The following HECW2 variants were observed in gnomAD, a reference collection of about 807,000 sequenced individuals.
The protein encoded by HECW2 is E3 ubiquitin-protein ligase HECW2.
A neutral mutation model predicts 175.2 loss-of-function variants in HECW2; 61 were observed. The observed-to-expected ratio is 0.35, with a 90% CI of 0.28 to 0.43. HECW2 has a LOEUF of 0.43. Among genes scored for constraint, HECW2 ranks in the 20% least tolerant of loss-of-function variants. The probability of loss-of-function intolerance (pLI) is 1.00; values close to 1 mark genes in which losing one functional copy is unlikely to be tolerated. For missense variants in HECW2, 1,524 were observed against 2,000.5 expected, an observed-to-expected ratio of 0.76 and a Z score of 4.54; for synonymous variants, 671 against 731.0, an observed-to-expected ratio of 0.92 and a Z score of 1.32.
rs1407016827 is a variant in HECW2, at chr2:196,316,091, G to A, written c.2434+1183C>T. 5 of 151,894 alleles carry A rather than the reference G, an allele frequency of 3.3e-5. No homozygotes were observed. In the South Asian group the frequency reaches 8.3e-4, roughly 25 times the overall value. The allele number at this position is 151,894 out of a possible 1,614,324, so 9.4% of individuals were successfully genotyped here. A position where few individuals can be genotyped will look rare whatever the true frequency, so the allele number is the denominator to read the frequency against. On this transcript the variant is annotated intron_variant, in intron 10 of 28. Coordinates refer to ENST00000644978, the MANE Select transcript of HECW2 (RefSeq NM_001348768.2). Reference sequence around the variant, plus strand: ...TAAGGAAGTTTTCTGTGGCCCTCTCGGGTCCCTGGGCCCCTCTACCTGCTT... The same window carrying A: ...TAAGGAAGTTTTCTGTGGCCCTCTCAGGTCCCTGGGCCCCTCTACCTGCTT...
intron 19 of HECW2, among the ~76,000 whole-genome samples, chr2:196,247,019 T>A (rs980405601): frequency 6.6e-6 from 1 of 152,080 alleles, no homozygotes; most frequent in African/African-American, 2.4e-5. Flanking sequence ...TCCCATCACT[T>A]TGGGAGGCTG....
At chr2:196,368,161 T>C (rs1249572276) in intron 2 of HECW2, among the ~76,000 whole-genome samples, 1 of 152,206 alleles carries the variant, frequency 6.6e-6, no homozygotes, top group African/African-American at 2.4e-5. Flanking sequence ...CTGGATCATA[T>C]GTTAGTTCAA....
rs776199397 is a variant in HECW2, at chr2:196,257,777, G to A, written c.3419+46C>T. On this transcript the variant is annotated intron_variant, in intron 18 of 28. Transcript: ENST00000644978. ...TTTTCTACAATGTTCCATGATATCT[G>A]ATGACAAGAGACCTTCTGCTTCAAG... is the stretch of plus-strand genomic sequence containing the variant. The A allele has an allele frequency of 2.3e-6, 3 of 1,295,270 alleles. No homozygotes were observed. In the Admixed American group the frequency reaches 5.4e-5, roughly 23 times the overall value. 80.2% of individuals were successfully genotyped at this position (1,295,270 alleles called of 1,614,324 possible).
At chr2:196,565,436 A>G (rs1011800820) in intron 1 of HECW2, among the ~76,000 whole-genome samples, 3 of 152,210 alleles carry the variant, frequency 2.0e-5, no homozygotes, top group Non-Finnish European at 4.4e-5. Context: ...TTAACTTGAC[A>G]TGTTCTTTAC....
chr2:196,399,004 A>C (rs1694745845), intron 2 of HECW2, among the ~76,000 whole-genome samples: 1 of 152,132 alleles, frequency 6.6e-6, no homozygotes, highest in Admixed American at 6.5e-5. Context: ...ATAGAGACAA[A>C]AGTATGGCTT....
chr2:196,525,677 T>C (rs1688614576), intron 1 of HECW2, among the ~76,000 whole-genome samples: 2 of 151,474 alleles, frequency 1.3e-5, no homozygotes, highest in South Asian at 4.2e-4. Context: ...GGCCTGGTGG[T>C]GACAAAATCT....
At chr2:196,227,222 A>T (rs1417205861) in intron 22 of HECW2, among the ~76,000 whole-genome samples, 7 of 152,200 alleles carry the variant, frequency 4.6e-5, no homozygotes, top group Admixed American at 3.9e-4. Flanking sequence ...CCACCCAACA[A>T]TATTAATCTC....
chr2:196,413,667 TATGAG>T (rs1695176874), intron 2 of HECW2, among the ~76,000 whole-genome samples: 1 of 152,172 alleles, frequency 6.6e-6, no homozygotes, highest in Admixed American at 6.6e-5. Context: ...AAAAAAATTA[TATGAG>T]ATAATATTAT....
chr2:196,221,713 C>T (rs192809214), intron 24 of HECW2, among the ~76,000 whole-genome samples: 1 of 152,116 alleles, frequency 6.6e-6, no homozygotes, highest in African/African-American at 2.4e-5. Context: ...GTATGTGCCA[C>T]CACACCTGGC....
At chr2:196,587,635 A>T (rs1691031576) in intron 1 of HECW2, among the ~76,000 whole-genome samples, 1 of 152,258 alleles carries the variant, frequency 6.6e-6, no homozygotes. Context: ...AACAAAAAAT[A>T]TTCTTTTAAC....
intron 1 of HECW2, among the ~76,000 whole-genome samples, chr2:196,484,122 A>G (rs1290568077): frequency 1.3e-5 from 2 of 152,184 alleles, no homozygotes; most frequent in Admixed American, 6.5e-5. Flanking sequence ...TCTCTCTAAA[A>G]TGGGAAATAA....
intron 14 of HECW2, among the ~76,000 whole-genome samples, chr2:196,283,957 T>A (rs1191913093): frequency 6.6e-6 from 1 of 152,182 alleles, no homozygotes; most frequent in Non-Finnish European, 1.5e-5. Flanking sequence ...CATGTTTCTG[T>A]CTGACCCCAA....
chr2:196,502,548 C>G (rs1687612910), intron 1 of HECW2, among the ~76,000 whole-genome samples: 1 of 152,214 alleles, frequency 6.6e-6, no homozygotes, highest in South Asian at 2.1e-4. Flanking sequence ...ATTATGCACA[C>G]TCCAATGTGA....
chr2:196,521,282 CAAAA>C (rs1158051512), intron 1 of HECW2, among the ~76,000 whole-genome samples: 35 of 53,688 alleles, frequency 6.5e-4, no homozygotes, highest in Admixed American at 5.1e-4. Context: ...ACGTGAGTAA[CAAAA>C]AAAAAAAAAA....
intron 5 of HECW2, 42 bp downstream of exon 5, chr2:196,329,531 CTG>C (rs1559045648): frequency 2.0e-6 from 3 of 1,503,314 alleles, no homozygotes; most frequent in Admixed American, 3.3e-5. Flanking sequence ...ACCTTCGAAA[CTG>C]TACACTTTCA....
Position 196,535,102 on chromosome 2 carries a change from C to A in HECW2, c.-36+58406G>T, listed in dbSNP as rs559984289. 1.4e-4 allele frequency among the ~76,000 whole-genome samples: 21 copies of A among 151,872 alleles called. No homozygotes were observed. The East Asian group carries it at 3.9e-3, about 28-fold the overall frequency. ...CTCCTTCAACTGCTAAAAACGCTAG[C>A]CCCTAAAACTCACATTTAAAGCTTC... On this transcript the variant is annotated intron_variant, in intron 1 of 28. Coordinates refer to ENST00000644978, the MANE Select transcript of HECW2 (RefSeq NM_001348768.2).
intron 1 of HECW2, among the ~76,000 whole-genome samples, chr2:196,570,517 A>T (rs1690346137): frequency 6.6e-6 from 1 of 152,168 alleles, no homozygotes; most frequent in Non-Finnish European, 1.5e-5. Context: ...CACTTGGGAC[A>T]CAGGGTGGGG....
chr2:196,354,033 A>G (rs1693269398), intron 2 of HECW2, among the ~76,000 whole-genome samples: 1 of 152,136 alleles, frequency 6.6e-6, no homozygotes. Context: ...ACCGAATGCA[A>G]GTAATCAAAA....
At position 196,229,233 on chromosome 2, in the gene HECW2, CCTT is replaced by C. The variant is rs1474854678; in HGVS notation, c.3765-982_3765-980del. Among the ~76,000 whole-genome samples, 9 of 152,054 alleles carry C rather than the reference CCTT, an allele frequency of 5.9e-5. No individual in the cohort carries two copies. The East Asian group carries it at 9.7e-4, about 16-fold the overall frequency. On this transcript the variant is annotated intron_variant, in intron 21 of 28. Coordinates refer to ENST00000644978, the MANE Select transcript of HECW2 (RefSeq NM_001348768.2). ...AGGGATTGTGAAAGACTTTTCTTCT[CCTT>C]CTTCCTCTTTTCTCCCTCTATCTTA...
Sources: allele counts gnomAD v4.1 joint callset (sites outside exome capture counted in the v4.1 genomes callset), GRCh38; gene constraint gnomAD v4.1.1; transcripts MANE v1.5; gene names NCBI Gene and HGNC (gene_info 2026-07-23, HGNC 2026-07-21).